FOXO1: variants seen among roughly 807,000 people sequenced by gnomAD.
FOXO1 encodes forkhead box O1, also known as forkhead box protein O1.
A neutral mutation model predicts 44.1 loss-of-function variants in FOXO1; 6 were observed. The observed-to-expected ratio is 0.14, with a 90% CI of 0.07 to 0.27. The LOEUF (loss-of-function observed/expected upper bound fraction) is 0.27. Ranked by LOEUF, FOXO1 falls within the 10% of genes least tolerant of loss-of-function variation. The pLI is 1.00. For synonymous variants in FOXO1, 380 were observed against 362.7 expected (o/e 1.05, Z -0.54); for missense variants, 737 against 888.8 (o/e 0.83, Z 2.17).
At chr13:40,597,371 T>C (rs1017348588) in intron 1 of FOXO1, among the ~76,000 whole-genome samples, 1 of 152,162 alleles carries the variant, frequency 6.6e-6, no homozygotes, top group African/African-American at 2.4e-5. Context: ...ATCTTCCCAA[T>C]AAGAGGGTAG....
Position 40,620,799 on chromosome 13 carries a change from C to CTTTTTTTTT in FOXO1, c.630+44775_630+44783dup, listed in dbSNP as rs111991105. ...TGGAAAACTACTATTCTTCCCCTTG[C>CTTTTTTTTT]TTTTTTTTTTTTTTTTTGAGATGGA... is the stretch of plus-strand genomic sequence containing the variant. On this transcript the variant is annotated intron_variant, in intron 1 of 2. Coordinates refer to ENST00000379561, the MANE Select transcript of FOXO1 (RefSeq NM_002015.4). Among the ~76,000 whole-genome samples, 290 of 121,200 alleles carry CTTTTTTTTT rather than the reference C, an allele frequency of 2.4e-3. 4 individuals are homozygous for CTTTTTTTTT. Among genetic ancestry groups the CTTTTTTTTT allele is most frequent in the South Asian group, 4.2e-3 (15 of 3,538 alleles). The allele number at this position is 121,200 out of a possible 152,430, so 79.5% of individuals were successfully genotyped here.
intron 1 of FOXO1, among the ~76,000 whole-genome samples, chr13:40,658,366 C>T (rs920807447): frequency 6.6e-6 from 1 of 152,122 alleles, no homozygotes; most frequent in Admixed American, 6.6e-5. Context: ...AAGAAGACAC[C>T]AAGGTTTGAA....
intron 1 of FOXO1, among the ~76,000 whole-genome samples, chr13:40,574,085 G>C (rs1874649210): frequency 6.6e-6 from 1 of 152,142 alleles, no homozygotes. Context: ...TTGCACACAA[G>C]TACAAACGTT....
At position 40,560,907 on chromosome 13, in the gene FOXO1, C is replaced by A. The variant is rs1359636328; in HGVS notation, c.631-47G>T. The A allele has an allele frequency of 6.6e-7, 1 of 1,525,172 alleles. No individual in the cohort carries two copies. Among genetic ancestry groups the A allele is most frequent in the Non-Finnish European group, 8.8e-7 (1 of 1,138,564 alleles). 94.5% of individuals were successfully genotyped at this position (1,525,172 alleles called of 1,614,324 possible). ...TAGAAGTACAATACTTCTCTGCTTG[C>A]AAAACTTCCTATTCTACATGTATTA... is the stretch of plus-strand genomic sequence containing the variant. On this transcript the variant is annotated intron_variant, in intron 1 of 2. Coordinates refer to ENST00000379561, the MANE Select transcript of FOXO1 (RefSeq NM_002015.4). The surrounding 1 kb of genome is among the most constrained non-coding windows in gnomAD (Gnocchi z 5.1).
chr13:40,638,943 A>G (rs1460872309), intron 1 of FOXO1, among the ~76,000 whole-genome samples: 1 of 152,086 alleles, frequency 6.6e-6, no homozygotes, highest in Admixed American at 6.6e-5. Flanking sequence ...CCTATAATCC[A>G]AGCACTTTGG....
chr13:40,594,028 G>C (rs1412556609), intron 1 of FOXO1, among the ~76,000 whole-genome samples: 2 of 152,140 alleles, frequency 1.3e-5, no homozygotes, highest in African/African-American at 2.4e-5. Context: ...GAAAGGATTT[G>C]GTGAATGCCA....
intron 1 of FOXO1, among the ~76,000 whole-genome samples, chr13:40,617,169 G>A (rs1189747451): frequency 6.6e-6 from 1 of 152,244 alleles, no homozygotes; most frequent in East Asian, 1.9e-4. Context: ...TGAAAGGCCA[G>A]GCACAGTGGC....
intron 1 of FOXO1, among the ~76,000 whole-genome samples, chr13:40,561,351 CAAAAA>C (rs5803055): frequency 8.4e-6 from 1 of 119,554 alleles, no homozygotes; most frequent in East Asian, 2.2e-4. Context: ...GACTCGATCT[CAAAAA>C]AAAAAAAAAA....
intron 1 of FOXO1, among the ~76,000 whole-genome samples, chr13:40,610,116 C>G (rs1876177120): frequency 6.6e-6 from 1 of 152,104 alleles, no homozygotes; most frequent in Non-Finnish European, 1.5e-5. Context: ...CCCTGCGACA[C>G]TGAGGACACG....
chr13:40,589,021 C>G (rs1473033219), intron 1 of FOXO1, among the ~76,000 whole-genome samples: 1 of 152,140 alleles, frequency 6.6e-6, no homozygotes, highest in Admixed American at 6.5e-5. Flanking sequence ...ACAAGAATCA[C>G]TTGAATCCAG....
At chr13:40,591,131 T>TC (rs369813890) in intron 1 of FOXO1, among the ~76,000 whole-genome samples, 111 of 152,210 alleles carry the variant, frequency 7.3e-4, no homozygotes, top group African/African-American at 2.6e-3. Context: ...GTCCATCGTT[T>TC]CTGATCTGCA....
intron 1 of FOXO1, among the ~76,000 whole-genome samples, chr13:40,663,538 A>T (rs569406343): frequency 1.1e-4 from 17 of 152,192 alleles, no homozygotes; most frequent in Admixed American, 4.6e-4. Flanking sequence ...TTTTTTTTTT[A>T]AATGGCTAAT....
intron 1 of FOXO1, among the ~76,000 whole-genome samples, chr13:40,659,328 A>AAG (rs1435146916): frequency 1.3e-5 from 2 of 150,914 alleles, no homozygotes; most frequent in African/African-American, 4.9e-5. Context: ...AAAAAAAAAA[A>AAG]AAAGAAAAGA....
rs375718522 is a variant in FOXO1, at chr13:40,572,234, AAT to A, written c.631-11376_631-11375del. On this transcript the variant is annotated intron_variant, in intron 1 of 2. Transcript: ENST00000379561. ...ACTACGTAGAACTGTTTTTATCCTA[AAT>A]ATGTTTGCTATCTGGAAAATCTAGG... 1.3e-3 allele frequency among the ~76,000 whole-genome samples: 199 copies of A among 152,308 alleles called. 1 individual carries two copies. Among genetic ancestry groups the A allele is most frequent in the African/African-American group, 4.6e-3 (190 of 41,564 alleles).
intron 1 of FOXO1, among the ~76,000 whole-genome samples, chr13:40,604,559 G>A (rs1401732073): frequency 6.6e-6 from 1 of 152,094 alleles, no homozygotes; most frequent in Non-Finnish European, 1.5e-5. Flanking sequence ...CAGCATCTAT[G>A]ACCAGGCAGA....
chr13:40,655,637 CTT>C (rs774180443), intron 1 of FOXO1, among the ~76,000 whole-genome samples: 2 of 101,314 alleles, frequency 2.0e-5, no homozygotes, highest in Admixed American at 1.2e-4. Flanking sequence ...TTCTACACTT[CTT>C]TTTTTTTTTT....
intron 1 of FOXO1, among the ~76,000 whole-genome samples, chr13:40,665,108 C>T (rs952013179): frequency 6.6e-6 from 1 of 151,698 alleles, no homozygotes. Context: ...GGTCCCGGGG[C>T]AGCGAGGCTC....
intron 1 of FOXO1, among the ~76,000 whole-genome samples, chr13:40,594,672 C>T (rs1396815949): frequency 6.6e-6 from 1 of 152,114 alleles, no homozygotes; most frequent in Non-Finnish European, 1.5e-5. Flanking sequence ...GGGCTTCTCT[C>T]CTCCATGCCA....
chr13:40,564,135 C>G (rs918420710), intron 1 of FOXO1, among the ~76,000 whole-genome samples: 1 of 152,136 alleles, frequency 6.6e-6, no homozygotes, highest in Non-Finnish European at 1.5e-5. Context: ...GTGAAGCTCT[C>G]TAACATTCAT....
Sources: allele counts gnomAD v4.1 joint callset (sites outside exome capture counted in the v4.1 genomes callset), GRCh38; gene constraint gnomAD v4.1.1; non-coding constraint Gnocchi (gnomAD v3.1); transcripts MANE v1.5; gene names NCBI Gene and HGNC (gene_info 2026-07-23, HGNC 2026-07-21).